CSNK1G3: variants seen among roughly 807,000 people sequenced by gnomAD.
The protein encoded by CSNK1G3 is casein kinase 1 gamma 3.
In CSNK1G3, 23 loss-of-function variants were observed where a neutral mutation model predicts 64.3. The ratio of observed to expected loss-of-function variants is 0.36; its 90% confidence interval spans 0.26 to 0.51. The LOEUF (loss-of-function observed/expected upper bound fraction) is 0.51, where lower values mean the gene tolerates loss of function less well. Ranked by LOEUF, CSNK1G3 falls within the 20% of genes least tolerant of loss-of-function variation. The probability of loss-of-function intolerance (pLI) is 0.96; values close to 1 mark genes in which losing one functional copy is unlikely to be tolerated. For synonymous variants in CSNK1G3, 158 were observed against 162.2 expected (o/e 0.97, Z 0.20); for missense variants, 357 against 510.5 (o/e 0.70, Z 2.90).
chr5:123,579,291 GTTT>G (rs11299582), intron 6 of CSNK1G3, among the ~76,000 whole-genome samples: 3 of 142,166 alleles, frequency 2.1e-5, no homozygotes, highest in Admixed American at 7.0e-5. Flanking sequence ...TAAATTTGCT[GTTT>G]TTTTTTTTTT....
At chr5:123,595,343 G>C (rs1357264085) in intron 10 of CSNK1G3, among the ~76,000 whole-genome samples, 1 of 152,010 alleles carries the variant, frequency 6.6e-6, no homozygotes, top group Non-Finnish European at 1.5e-5. Flanking sequence ...TTTTTCCTTT[G>C]TTCATTTTTG....
chr5:123,515,541 T>G (rs1776991181), intron 1 of CSNK1G3, among the ~76,000 whole-genome samples: 1 of 152,186 alleles, frequency 6.6e-6, no homozygotes. Context: ...TGAGAAATTT[T>G]CACAGTTCGG....
At chr5:123,613,409 G>A (rs1748838157) in intron 12 of CSNK1G3, among the ~76,000 whole-genome samples, 1 of 128,760 alleles carries the variant, frequency 7.8e-6, no homozygotes, top group Non-Finnish European at 1.7e-5. Flanking sequence ...CATGTCCAGT[G>A]CATGTGTGTG....
At chr5:123,585,510 C>T (rs1455694275) in intron 6 of CSNK1G3, among the ~76,000 whole-genome samples, 2 of 152,012 alleles carry the variant, frequency 1.3e-5, no homozygotes, top group Admixed American at 1.3e-4. Context: ...TAAACATACT[C>T]TTAAGAAAAC....
At chr5:123,577,809 G>T (rs992286358) in intron 6 of CSNK1G3, among the ~76,000 whole-genome samples, 1 of 151,604 alleles carries the variant, frequency 6.6e-6, no homozygotes, top group African/African-American at 2.4e-5. Flanking sequence ...TGCATACTAT[G>T]TAACCCACAC....
chr5:123,565,812 G>T (rs1308252398), intron 4 of CSNK1G3, among the ~76,000 whole-genome samples: 4 of 151,662 alleles, frequency 2.6e-5, no homozygotes, highest in Non-Finnish European at 4.4e-5. Flanking sequence ...TGAAGGGGAG[G>T]TGCAACACAC....
intron 12 of CSNK1G3, among the ~76,000 whole-genome samples, chr5:123,613,542 T>G (rs781160477): frequency 1.3e-5 from 2 of 151,874 alleles, no homozygotes; most frequent in Non-Finnish European, 2.9e-5. Flanking sequence ...GAGAGAGAGA[T>G]ATTTAGAGAT....
intron 10 of CSNK1G3, among the ~76,000 whole-genome samples, chr5:123,598,356 G>A (rs1793823061): frequency 6.6e-6 from 1 of 152,160 alleles, no homozygotes; most frequent in African/African-American, 2.4e-5. Context: ...AAAGAAGTGT[G>A]TAAAGACATG....
exon 13 of CSNK1G3, chr5:123,615,310 G>A (rs768287650): frequency 4.6e-5 from 7 of 152,512 alleles, no homozygotes; most frequent in Admixed American, 1.3e-4. Flanking sequence ...AAATCTCACC[G>A]AAACTTACTG....
chr5:123,537,493 G>A (rs1379069101), intron 1 of CSNK1G3, among the ~76,000 whole-genome samples: 1 of 152,020 alleles, frequency 6.6e-6, no homozygotes, highest in Non-Finnish European at 1.5e-5. Context: ...CATGTTTTGG[G>A]TGATGGTAAA....
At chr5:123,543,445 G>T (rs887734029) in intron 1 of CSNK1G3, among the ~76,000 whole-genome samples, 9 of 151,970 alleles carry the variant, frequency 5.9e-5, no homozygotes, top group Admixed American at 1.3e-4. Flanking sequence ...TTTCTGTTCG[G>T]TTTTTTTAGA....
chr5:123,539,796 A>G (rs1781402877), intron 1 of CSNK1G3, among the ~76,000 whole-genome samples: 3 of 152,040 alleles, frequency 2.0e-5, no homozygotes, highest in African/African-American at 7.2e-5. Context: ...TTATGGGAAT[A>G]CTTTTTTTTA....
chr5:123,600,022 A>G (rs749198225), intron 10 of CSNK1G3, among the ~76,000 whole-genome samples: 2 of 152,094 alleles, frequency 1.3e-5, no homozygotes, highest in Non-Finnish European at 2.9e-5. Flanking sequence ...CTTTTGGAAT[A>G]CCAAGAGTAT....
exon 13 of CSNK1G3, chr5:123,615,701 C>G (rs1406927156): frequency 1.3e-5 from 2 of 152,118 alleles, no homozygotes; most frequent in African/African-American, 4.8e-5. Context: ...TTGTCACATT[C>G]TACTAGCCAA....
chr5:123,590,601 GC>G, intron 9 of CSNK1G3, 43 bp downstream of exon 9: 1 of 1,233,346 alleles, frequency 8.1e-7, no homozygotes, highest in Non-Finnish European at 1.1e-6. Context: ...AGTATCTGTT[GC>G]CTTTTTAATA....
At chr5:123,549,721 G>A (rs927290953) in intron 2 of CSNK1G3, among the ~76,000 whole-genome samples, 3 of 152,172 alleles carry the variant, frequency 2.0e-5, no homozygotes, top group African/African-American at 7.2e-5. Context: ...TGTGGCATGC[G>A]ATGTGACTTC....
At chr5:123,540,194 T>A (rs2150195474) in intron 1 of CSNK1G3, among the ~76,000 whole-genome samples, 1 of 152,270 alleles carries the variant, frequency 6.6e-6, no homozygotes, top group Non-Finnish European at 1.5e-5. Flanking sequence ...TGCCACTGAG[T>A]GTATCTAGTG....
At position 123,523,384 on chromosome 5, in the gene CSNK1G3, A is replaced by G. The variant is rs894994544; in HGVS notation, c.-248+10814A>G. 6.6e-5 allele frequency among the ~76,000 whole-genome samples: 10 copies of G among 152,268 alleles called. No individual in the cohort carries two copies. In the East Asian group the frequency reaches 1.9e-3, roughly 29 times the overall value. On this transcript the variant is annotated intron_variant, in intron 1 of 12. Transcript: ENST00000345990. ...TAGGGTCCTTTTAGTGACTGATTTG[A>G]TGTTGCTTCCTGGGTCAGGAACACC...
chr5:123,570,635 C>T (rs973482998), intron 4 of CSNK1G3, among the ~76,000 whole-genome samples: 2 of 152,162 alleles, frequency 1.3e-5, no homozygotes, highest in Non-Finnish European at 2.9e-5. Flanking sequence ...GGATTACAGG[C>T]ATGAGCTACC....
Sources: allele counts gnomAD v4.1 joint callset (sites outside exome capture counted in the v4.1 genomes callset), GRCh38; gene constraint gnomAD v4.1.1; transcripts MANE v1.5; gene names NCBI Gene and HGNC (gene_info 2026-07-23, HGNC 2026-07-21).